Variants in ZNF146 observed in about 807,000 individuals in gnomAD.
The protein encoded by ZNF146 is zinc finger protein OZF.
ZNF146 carries 9 observed loss-of-function variants against 22.2 expected under a neutral mutation model. The observed-to-expected ratio is 0.41, with a 90% CI of 0.24 to 0.71. The LOEUF (loss-of-function observed/expected upper bound fraction) is 0.71. Ranked by LOEUF, ZNF146 falls within the 30% of genes least tolerant of loss-of-function variation. The probability of loss-of-function intolerance (pLI) is 0.34; values close to 1 mark genes in which losing one functional copy is unlikely to be tolerated. For synonymous variants in ZNF146, 108 were observed against 119.2 expected (o/e 0.91, Z 0.61); for missense variants, 194 against 344.8 (o/e 0.56, Z 3.46).
At chr19:36,221,503 T>C (rs1599960663) in intron 2 of ZNF146, among the ~76,000 whole-genome samples, 1 of 152,004 alleles carries the variant, frequency 6.6e-6, no homozygotes, top group Non-Finnish European at 1.5e-5. Context: ...TTAGCCAGGA[T>C]GATCTTGATC....
At chr19:36,231,390 T>A (rs750092293) in intron 3 of ZNF146, among the ~76,000 whole-genome samples, 2 of 151,978 alleles carry the variant, frequency 1.3e-5, no homozygotes, top group Non-Finnish European at 2.9e-5. Context: ...TTGTATTTTT[T>A]TGGTAACCAG....
chr19:36,230,812 C>T (rs117194308), intron 3 of ZNF146, among the ~76,000 whole-genome samples: 2,496 of 152,054 alleles, frequency 0.016, 63 homozygotes, highest in East Asian at 0.087. Flanking sequence ...TTTCCTTTTC[C>T]TTTTTTTGAG....
chr19:36,217,235 G>C (rs1159021188), intron 1 of ZNF146, among the ~76,000 whole-genome samples: 2 of 151,016 alleles, frequency 1.3e-5, no homozygotes, highest in Non-Finnish European at 2.9e-5. Flanking sequence ...TACTTTTTTT[G>C]TATTTTTAGT....
chr19:36,225,754 T>TC, intron 2 of ZNF146, among the ~76,000 whole-genome samples: 1 of 72,716 alleles, frequency 1.4e-5, no homozygotes, highest in Non-Finnish European at 2.9e-5. Flanking sequence ...TTGTGATTCT[T>TC]TTTTTTTTTT....
rs1977621837 is a variant in ZNF146, at chr19:36,235,690, G to A, written c.-751G>A. The A allele has an allele frequency of 1.3e-5, 2 of 152,170 alleles. No individual in the cohort carries two copies. 9.4% of individuals were successfully genotyped at this position (152,170 alleles called of 1,614,324 possible). A position where few individuals can be genotyped will look rare whatever the true frequency, so the allele number is the denominator to read the frequency against. ...CCTGAGAAGATGATGCACAGATAGAGAGGCACCAGGACTTGAGAGGCACCA... is the reference window on the plus strand; with the variant it reads ...CCTGAGAAGATGATGCACAGATAGAAAGGCACCAGGACTTGAGAGGCACCA... On this transcript the variant is annotated 5_prime_UTR_variant, in exon 4 of 4. Coordinates refer to ENST00000443387, the MANE Select transcript of ZNF146 (RefSeq NM_007145.3).
intron 2 of ZNF146, among the ~76,000 whole-genome samples, chr19:36,223,849 A>T (rs1394707831): frequency 7.5e-5 from 10 of 134,204 alleles, no homozygotes; most frequent in Admixed American, 2.1e-4. Flanking sequence ...TCGCTAATTT[A>T]AAAAAAAAAA....
intron 2 of ZNF146, among the ~76,000 whole-genome samples, chr19:36,225,966 GC>G (rs1401472043): frequency 2.0e-5 from 3 of 151,776 alleles, no homozygotes; most frequent in African/African-American, 7.3e-5. Context: ...ATGGGGTCTT[GC>G]CATGTTGCCT....
At chr19:36,217,885 CAAAAA>C (rs10590776) in intron 1 of ZNF146, among the ~76,000 whole-genome samples, 3 of 133,268 alleles carry the variant, frequency 2.3e-5, no homozygotes. Flanking sequence ...AACTCCATCT[CAAAAA>C]AAAAAAAAAA....
chr19:36,227,681 A>G (rs1361600351), intron 2 of ZNF146, among the ~76,000 whole-genome samples: 1 of 152,136 alleles, frequency 6.6e-6, no homozygotes, highest in Non-Finnish European at 1.5e-5. Flanking sequence ...CAGCCTCTTA[A>G]GTAGCTGAGA....
rs564082113 is a variant in ZNF146 at position 36,227,047 on chromosome 19, C to T, written c.-854-1701C>T. Among the ~76,000 whole-genome samples, 24 of 146,780 alleles carry T rather than the reference C, an allele frequency of 1.6e-4. No individual in the cohort carries two copies. In the South Asian group the frequency reaches 4.6e-3, roughly 28 times the overall value. On this transcript the variant is annotated intron_variant, in intron 2 of 3. Coordinates refer to ENST00000443387, the MANE Select transcript of ZNF146 (RefSeq NM_007145.3). ...GCAGTGAGCCGAGATCGCACCACTGCGCTCCAGCCTGGGCAACAAGAGTAA... is the reference window on the plus strand; with the variant it reads ...GCAGTGAGCCGAGATCGCACCACTGTGCTCCAGCCTGGGCAACAAGAGTAA...
chr19:36,223,045 C>T (rs1356057552), intron 2 of ZNF146, among the ~76,000 whole-genome samples: 1 of 151,908 alleles, frequency 6.6e-6, no homozygotes, highest in Non-Finnish European at 1.5e-5. Context: ...AACCCCTGGG[C>T]CCAAGCAAGT....
intron 2 of ZNF146, among the ~76,000 whole-genome samples, chr19:36,225,523 T>A: frequency 6.6e-6 from 1 of 152,082 alleles, no homozygotes; most frequent in East Asian, 1.9e-4. Flanking sequence ...TTTTTCTGGC[T>A]CACTGCAACC....
chr19:36,233,964 A>G (rs1977522902), intron 3 of ZNF146, among the ~76,000 whole-genome samples: 1 of 150,840 alleles, frequency 6.6e-6, no homozygotes, highest in African/African-American at 2.5e-5. Context: ...GCGGGGCCAT[A>G]TTTCAGACTA....
At chr19:36,221,284 C>CTTTTTTTT (rs74172797) in intron 2 of ZNF146, among the ~76,000 whole-genome samples, 8 of 98,688 alleles carry the variant, frequency 8.1e-5, no homozygotes, top group African/African-American at 1.7e-4. Flanking sequence ...TAAGGGACTG[C>CTTTTTTTT]TTTTTTTTTT....
At chr19:36,217,913 A>T (rs1976679510) in intron 1 of ZNF146, among the ~76,000 whole-genome samples, 1 of 151,836 alleles carries the variant, frequency 6.6e-6, no homozygotes, top group South Asian at 2.1e-4. Flanking sequence ...TTCAAAAGAT[A>T]CATACGAAAT....
At chr19:36,215,298 C>T (rs1304743601) in intron 1 of ZNF146, 102 bp downstream of exon 1, 1 of 152,250 alleles carries the variant, frequency 6.6e-6, no homozygotes, top group African/African-American at 2.4e-5. Context: ...GGTGTAAGAG[C>T]TTCTGGCCTA....
intron 3 of ZNF146, among the ~76,000 whole-genome samples, chr19:36,234,454 G>A (rs1036950675): frequency 6.6e-6 from 1 of 152,198 alleles, no homozygotes; most frequent in Admixed American, 6.5e-5. Context: ...CCCAGTCTAT[G>A]TTCACATTTT....
intron 1 of ZNF146, among the ~76,000 whole-genome samples, chr19:36,215,468 A>ATTTGTTCT (rs1976560878): frequency 6.6e-6 from 1 of 152,158 alleles, no homozygotes; most frequent in African/African-American, 2.4e-5. Context: ...GGAGACCAGC[A>ATTTGTTCT]TTGAGGTATA....
rs758267592 is a variant in ZNF146, at chr19:36,237,142, T to C, written c.702T>C (p.His234=). The change falls in exon 4 of 4, where the codon CAT becomes CAC. Residue 234 remains histidine (H), a synonymous_variant. Coordinates refer to ENST00000443387, the MANE Select transcript of ZNF146 (RefSeq NM_007145.3). ...SSSLTVHVRS[H]TGEKPYGCNE... ...CTCTCACTGTGCATGTGAGAAGCCA[T>C]ACAGGGGAGAAGCCCTATGGTTGTA... 5 of 1,614,118 alleles carry C rather than the reference T, an allele frequency of 3.1e-6. No homozygotes were observed.
Sources: allele counts gnomAD v4.1 joint callset (sites outside exome capture counted in the v4.1 genomes callset), GRCh38; gene constraint gnomAD v4.1.1; transcripts MANE v1.5; gene names NCBI Gene and HGNC (gene_info 2026-07-23, HGNC 2026-07-21).